Variants in FNIP2 observed in about 807,000 individuals in gnomAD.
The protein encoded by FNIP2 is folliculin-interacting protein 2.
In FNIP2, 32 loss-of-function variants were observed where a neutral mutation model predicts 108.7. That is an observed-to-expected ratio of 0.29 (90% CI 0.22 to 0.40). FNIP2 has a LOEUF of 0.40. FNIP2 is among the 10% of genes least tolerant of loss of function. FNIP2 has a pLI of 1.00. For synonymous variants in FNIP2, 480 were observed against 496.7 expected, an observed-to-expected ratio of 0.97 and a Z score of 0.45; for missense variants, 1,202 against 1,381.6, an observed-to-expected ratio of 0.87 and a Z score of 2.06.
chr4:158,899,103 A>C (rs1782962516), intron 16 of FNIP2, among the ~76,000 whole-genome samples: 1 of 152,168 alleles, frequency 6.6e-6, no homozygotes, highest in Non-Finnish European at 1.5e-5. Context: ...GAGATGAGAT[A>C]ATCATCTGGT....
At chr4:158,883,627 C>A (rs536014218) in intron 14 of FNIP2, among the ~76,000 whole-genome samples, 2 of 152,274 alleles carry the variant, frequency 1.3e-5, no homozygotes, top group African/African-American at 4.8e-5. Flanking sequence ...GATTTTAGAT[C>A]TGGTTATGAA....
At chr4:158,810,686 C>T (rs1266903972) in intron 1 of FNIP2, among the ~76,000 whole-genome samples, 2 of 152,246 alleles carry the variant, frequency 1.3e-5, no homozygotes, top group Admixed American at 6.5e-5. Context: ...GCTTTTGTCT[C>T]GGTCATATTT....
intron 7 of FNIP2, among the ~76,000 whole-genome samples, chr4:158,844,279 G>C (rs1779281276): frequency 6.6e-6 from 1 of 151,310 alleles, no homozygotes. Context: ...TTTGAATGAG[G>C]GGGGGAAAAT....
At chr4:158,798,796 A>G (rs1426284600) in intron 1 of FNIP2, among the ~76,000 whole-genome samples, 1 of 152,248 alleles carries the variant, frequency 6.6e-6, no homozygotes, top group Non-Finnish European at 1.5e-5. Context: ...TAATTATAAC[A>G]CAGATTAATG....
chr4:158,883,430 A>G (rs1425213133), intron 14 of FNIP2, among the ~76,000 whole-genome samples: 7 of 151,896 alleles, frequency 4.6e-5, no homozygotes, highest in African/African-American at 1.2e-4. Context: ...TTTAGTAGAG[A>G]CGGGGTTTCA....
chr4:158,863,073 T>C (rs565987000), intron 12 of FNIP2, among the ~76,000 whole-genome samples: 3 of 152,334 alleles, frequency 2.0e-5, no homozygotes, highest in Admixed American at 2.0e-4. Context: ...TCATGTATTG[T>C]TGAAAGTCTT....
intron 1 of FNIP2, among the ~76,000 whole-genome samples, chr4:158,809,388 T>G (rs1483456537): frequency 6.6e-6 from 1 of 152,136 alleles, no homozygotes; most frequent in Non-Finnish European, 1.5e-5. Context: ...GAACCTGGGA[T>G]GCAGAGGTTG....
intron 1 of FNIP2, among the ~76,000 whole-genome samples, chr4:158,806,663 A>G (rs1776980109): frequency 6.6e-6 from 1 of 152,124 alleles, no homozygotes; most frequent in Admixed American, 6.5e-5. Flanking sequence ...TCTTCTTTTC[A>G]TTACCTCTAC....
chr4:158,867,718 C>A (rs944537509), intron 12 of FNIP2, among the ~76,000 whole-genome samples: 1 of 152,238 alleles, frequency 6.6e-6, no homozygotes, highest in African/African-American at 2.4e-5. Flanking sequence ...ATTCTTCCAA[C>A]AAATTCTTAT....
At chr4:158,788,281 C>A (rs1027299011) in intron 1 of FNIP2, among the ~76,000 whole-genome samples, 3 of 152,220 alleles carry the variant, frequency 2.0e-5, no homozygotes, top group Non-Finnish European at 2.9e-5. Context: ...AGCACTCTGT[C>A]CCCCTGGAGT....
chr4:158,874,519 T>A lies in FNIP2; in HGVS notation c.2949+4050T>A, dbSNP rs368740509. 1.2e-3 allele frequency among the ~76,000 whole-genome samples: 103 copies of A among 88,048 alleles called. 5 individuals are homozygous for A. In the East Asian group the frequency reaches 0.027, roughly 23 times the overall value. 57.8% of individuals were successfully genotyped at this position (88,048 alleles called of 152,430 possible). A position where few individuals can be genotyped will look rare whatever the true frequency, so the allele number is the denominator to read the frequency against. ...AAAAAAAAAAAATAGCTAGGCATGG[T>A]GGCACATGCCTGTAGTCCCAGCTAC... On this transcript the variant is annotated intron_variant, in intron 14 of 16. Coordinates refer to ENST00000264433, the MANE Select transcript of FNIP2 (RefSeq NM_020840.3).
rs1578872258 is a variant in FNIP2, at chr4:158,826,126, C to A, written c.234+84C>A. ...CAATCATTTATTAATCTATCATCTTCTCTTTGAGTTATATTATACAGTGCC... is the reference window on the plus strand; with the variant it reads ...CAATCATTTATTAATCTATCATCTTATCTTTGAGTTATATTATACAGTGCC... On this transcript the variant is annotated intron_variant, in intron 2 of 16. Transcript: ENST00000264433. 4 of 1,501,272 alleles carry A rather than the reference C, an allele frequency of 2.7e-6. No individual in the cohort carries two copies. The East Asian group carries it at 1.0e-4, about 38-fold the overall frequency. 93.0% of individuals were successfully genotyped at this position (1,501,272 alleles called of 1,614,324 possible).
At chr4:158,825,816 T>C in intron 1 of FNIP2, 100 bp from the exon 2 acceptor site, 1 of 1,412,564 alleles carries the variant, frequency 7.1e-7, no homozygotes, top group Non-Finnish European at 9.8e-7. Flanking sequence ...TTGTGGCCTT[T>C]TGATGTGCAC....
In FNIP2 at chr4:158,883,146, A is replaced by T. The variant is rs117415404; in HGVS notation, c.2950-8300A>T. 2.0e-3 allele frequency among the ~76,000 whole-genome samples: 310 copies of T among 152,316 alleles called. 6 individuals are homozygous for T. In the East Asian group the frequency reaches 0.054, roughly 26 times the overall value. ...ATGAAGCCAAAGAATCATGTGTTTT[A>T]TTATCCAGAATATCTCAGAGAAAAA... On this transcript the variant is annotated intron_variant, in intron 14 of 16. Coordinates refer to ENST00000264433, the MANE Select transcript of FNIP2 (RefSeq NM_020840.3).
At chr4:158,826,083 TTTAACC>T (rs1778139928) in intron 2 of FNIP2, 41 bp downstream of exon 2, 5 of 1,588,404 alleles carry the variant, frequency 3.1e-6, no homozygotes, top group Non-Finnish European at 4.3e-6. Flanking sequence ...CTTTTGTGCT[TTTAACC>T]ACCCTTCTGA....
intron 1 of FNIP2, among the ~76,000 whole-genome samples, chr4:158,769,715 C>G (rs909446811): frequency 2.0e-5 from 3 of 152,224 alleles, no homozygotes; most frequent in African/African-American, 7.2e-5. Flanking sequence ...GCAGCTCCAA[C>G]CTATTGTGTA....
intron 14 of FNIP2, among the ~76,000 whole-genome samples, chr4:158,884,972 C>G (rs543798596): frequency 4.2e-5 from 6 of 144,382 alleles, no homozygotes; most frequent in Admixed American, 2.8e-4. Flanking sequence ...AAAACCCTAC[C>G]TCTGCTAAAA....
chr4:158,873,145 TAA>T (rs879851784), intron 14 of FNIP2, among the ~76,000 whole-genome samples: 9 of 140,030 alleles, frequency 6.4e-5, no homozygotes, highest in African/African-American at 5.3e-5. Context: ...AAAATAGCGT[TAA>T]AAAAAAAAAA....
chr4:158,882,683 A>C (rs956571714), intron 14 of FNIP2, among the ~76,000 whole-genome samples: 3 of 152,220 alleles, frequency 2.0e-5, no homozygotes, highest in Non-Finnish European at 2.9e-5. Flanking sequence ...GATGCTGTTG[A>C]TCTATGACCT....
Sources: gnomAD v4.1 joint callset for allele counts (sites outside exome capture counted in the v4.1 genomes callset) on GRCh38, gnomAD v4.1.1 for gene constraint, MANE v1.5 for transcripts, NCBI Gene and HGNC (gene_info 2026-07-23, HGNC 2026-07-21) for gene names.